The following OPCML variants were observed in gnomAD, a reference collection of about 807,000 sequenced individuals.
OPCML encodes the protein opioid binding protein/cell adhesion molecule like.
In OPCML, 13 loss-of-function variants were observed where a neutral mutation model predicts 37.8. The observed-to-expected ratio is 0.34, with a 90% CI of 0.22 to 0.55. The LOEUF (loss-of-function observed/expected upper bound fraction) is 0.55. OPCML is among the 20% of genes least tolerant of loss of function. The probability of loss-of-function intolerance (pLI) is 0.91; values close to 1 mark genes in which losing one functional copy is unlikely to be tolerated. For synonymous variants in OPCML, 176 were observed against 168.8 expected, an observed-to-expected ratio of 1.04 and a Z score of -0.33; for missense variants, 341 against 435.6, an observed-to-expected ratio of 0.78 and a Z score of 1.93.
chr11:132,798,197 A>G (rs192877408), intron 2 of OPCML, among the ~76,000 whole-genome samples: 1 of 152,098 alleles, frequency 6.6e-6, no homozygotes, highest in Non-Finnish European at 1.5e-5. Context: ...CAGCCTCTCA[A>G]GTAGCTGTGA....
At chr11:133,099,434 C>CT (rs940124657) in intron 1 of OPCML, among the ~76,000 whole-genome samples, 164 of 119,064 alleles carry the variant, frequency 1.4e-3, no homozygotes, top group African/African-American at 4.1e-3. Flanking sequence ...GGCTAATTTT[C>CT]TTTTTTTCTT....
intron 7 of OPCML, among the ~76,000 whole-genome samples, chr11:132,427,134 G>A (rs1266152878): frequency 7.2e-5 from 11 of 152,052 alleles, no homozygotes; most frequent in Non-Finnish European, 2.9e-5. Context: ...AGATGGTAGG[G>A]TGACCACACT....
intron 1 of OPCML, among the ~76,000 whole-genome samples, chr11:133,285,242 A>C (rs1309813147): frequency 6.6e-6 from 1 of 152,222 alleles, no homozygotes; most frequent in Non-Finnish European, 1.5e-5. Flanking sequence ...AGGGACATGC[A>C]GTGAGCTAGA....
intron 1 of OPCML, among the ~76,000 whole-genome samples, chr11:133,390,241 C>T (rs1565609028): frequency 6.6e-6 from 1 of 152,146 alleles, no homozygotes; most frequent in Non-Finnish European, 1.5e-5. Flanking sequence ...GGACGGATCA[C>T]GAGGTCAGGA....
intron 2 of OPCML, among the ~76,000 whole-genome samples, chr11:132,869,697 C>A (rs1942720560): frequency 6.6e-6 from 1 of 152,172 alleles, no homozygotes; most frequent in African/African-American, 2.4e-5. Flanking sequence ...ATTTTCTCAG[C>A]TAAATTCTGA....
chr11:132,859,364 T>C (rs991507146), intron 2 of OPCML: 4 of 152,336 alleles, frequency 2.6e-5, no homozygotes, highest in African/African-American at 9.6e-5. Flanking sequence ...GGTGGCTATG[T>C]TGGAAAAAAA....
chr11:132,755,817 T>C (rs1946023449), intron 2 of OPCML, among the ~76,000 whole-genome samples: 1 of 152,182 alleles, frequency 6.6e-6, no homozygotes, highest in Non-Finnish European at 1.5e-5. Context: ...TATATATTAC[T>C]GAGTTACAGT....
At chr11:133,530,333 C>A (rs1430565850) in intron 1 of OPCML, among the ~76,000 whole-genome samples, 1 of 152,212 alleles carries the variant, frequency 6.6e-6, no homozygotes, top group Admixed American at 6.5e-5. Context: ...CTGGGGCTCA[C>A]CCCCCGCCTT....
intron 1 of OPCML, among the ~76,000 whole-genome samples, chr11:133,282,047 C>T (rs1264333269): frequency 6.6e-6 from 1 of 151,908 alleles, no homozygotes; most frequent in Non-Finnish European, 1.5e-5. Context: ...AAACTAGTAA[C>T]TTATATTTAA....
At chr11:132,811,046 G>T (rs898921025) in intron 2 of OPCML, among the ~76,000 whole-genome samples, 15 of 152,172 alleles carry the variant, frequency 9.9e-5, no homozygotes, top group Non-Finnish European at 2.9e-5. Flanking sequence ...CAGTGTCAGA[G>T]AATTTCATAA....
chr11:133,248,225 T>C (rs1248311114), intron 1 of OPCML, among the ~76,000 whole-genome samples: 2 of 152,154 alleles, frequency 1.3e-5, no homozygotes, highest in African/African-American at 4.8e-5. Flanking sequence ...AGCATGCCCC[T>C]TTTTTCAAAG....
At position 132,621,765 on chromosome 11, in the gene OPCML, A is replaced by G. The variant is rs533898554; in HGVS notation, c.379+35322T>C. ...TCTCTGTCCTTTTTTGCATGTAGCT[A>G]TGCCTCAGTTACACACACACACTCC... On this transcript the variant is annotated intron_variant, in intron 3 of 7. Coordinates refer to ENST00000524381, the MANE Select transcript of OPCML (RefSeq NM_001012393.5). 5.9e-5 allele frequency among the ~76,000 whole-genome samples: 9 copies of G among 152,294 alleles called. No individual in the cohort carries two copies. The South Asian group carries it at 1.9e-3, about 32-fold the overall frequency.
chr11:133,007,165 T>A (rs745894781), intron 1 of OPCML: 2 of 985,350 alleles, frequency 2.0e-6, no homozygotes, highest in African/African-American at 3.5e-5. Context: ...GCCCACAGAT[T>A]GTGGCCTTGG....
intron 3 of OPCML, among the ~76,000 whole-genome samples, chr11:132,552,763 C>CTTTTTGTTTTTTTTTTTTTTT (rs2096385011): frequency 1.1e-5 from 1 of 92,802 alleles, no homozygotes; most frequent in Non-Finnish European, 2.0e-5. Context: ...AAACACTACT[C>CTTTTTGTTTTTTTTTTTTTTT]TTTTTTTTTT....
At chr11:133,129,926 TAAATAA>T (rs1339548084) in intron 1 of OPCML, among the ~76,000 whole-genome samples, 4 of 151,342 alleles carry the variant, frequency 2.6e-5, no homozygotes, top group African/African-American at 4.9e-5. Flanking sequence ...AATAAATACA[TAAATAA>T]AAATAAAGAA....
intron 1 of OPCML, among the ~76,000 whole-genome samples, chr11:133,433,244 T>A (rs1439446798): frequency 5.4e-5 from 6 of 111,310 alleles, no homozygotes; most frequent in African/African-American, 4.7e-4. Context: ...AGAGCGAGAC[T>A]CCGTCTCAAA....
At chr11:132,735,828 G>A (rs976829219) in intron 2 of OPCML, among the ~76,000 whole-genome samples, 1 of 152,046 alleles carries the variant, frequency 6.6e-6, no homozygotes, top group Non-Finnish European at 1.5e-5. Context: ...TGGATTGAAA[G>A]AAAACAAAGA....
At chr11:132,960,640 C>T (rs552126517) in intron 1 of OPCML, among the ~76,000 whole-genome samples, 3 of 152,304 alleles carry the variant, frequency 2.0e-5, no homozygotes, top group South Asian at 2.1e-4. Flanking sequence ...GTCTCTTCTC[C>T]CTTTGCAAAT....
At chr11:133,308,267 G>T (rs1423506279) in intron 1 of OPCML, among the ~76,000 whole-genome samples, 1 of 151,952 alleles carries the variant, frequency 6.6e-6, no homozygotes, top group Non-Finnish European at 1.5e-5. Flanking sequence ...GACTCTTAGA[G>T]GAAGGAAAAC....
Sources: gnomAD v4.1 joint callset for allele counts (sites outside exome capture counted in the v4.1 genomes callset) on GRCh38, gnomAD v4.1.1 for gene constraint, MANE v1.5 for transcripts, NCBI Gene and HGNC (gene_info 2026-07-23, HGNC 2026-07-21) for gene names.